Variants in VPS9D1 observed in about 807,000 individuals in gnomAD.
The protein encoded by VPS9D1 is VPS9 domain containing 1.
In VPS9D1, 78 loss-of-function variants were observed where a neutral mutation model predicts 75.8. The ratio of observed to expected loss-of-function variants is 1.03; its 90% CI spans 0.86 to 1.24. The LOEUF is 1.24. Among genes scored for constraint, VPS9D1 ranks in the 50% most tolerant of loss-of-function variants. VPS9D1 has a pLI of 0.00. For synonymous variants in VPS9D1, 481 were observed against 385.6 expected, an observed-to-expected ratio of 1.25 and a Z score of -2.90; for missense variants, 1,057 against 847.7, an observed-to-expected ratio of 1.25 and a Z score of -3.07.
chr16:89,707,884 G>A lies in VPS9D1; in HGVS notation c.1873C>T (p.Pro625Ser). 2 of 1,613,148 alleles carry A rather than the reference G, an allele frequency of 1.2e-6. No individual in the cohort carries two copies. The highest frequency in any genetic ancestry group is 1.7e-6 in the Non-Finnish European group (2 of 1,179,964). ...TACTACTTGGCCAGGCCTCCCCGGG[G>A]CAGCAGCTCCACGTAGCTCAGGGCA... is the stretch of plus-strand genomic sequence containing the variant. ...QSALSYVELL[P>S]RGGLAK The change falls in exon 15 of 15, where the codon CCC becomes TCC. Residue 625 changes from proline to serine, a missense_variant. Transcript: ENST00000389386.
rs2060895390 is a variant in VPS9D1 at position 89,710,694 on chromosome 16, C to T, written c.1150G>A (p.Glu384Lys). 6.2e-7 allele frequency: 1 copy of T among 1,610,276 alleles called. No homozygotes were observed. The part of the protein sequence containing the change: ...PDKDSSFEDL[E>K]QFLGTSERQG... ...CGCTCAGACGTCCCCAGGAACTGCT[C>T]CAGGTCCTCGAACGAGCTGTCCTTG... The change falls in exon 10 of 15, where the codon GAG becomes AAG. Residue 384 changes from glutamate (E) to lysine (K), a missense_variant. Glu to Lys is a moderately conservative substitution (Grantham distance 56). Transcript: ENST00000389386.
Position 89,712,595 on chromosome 16 carries a change from C to T in VPS9D1, c.543+10G>A, listed in dbSNP as rs752690134. 1 of 1,609,362 alleles carries T rather than the reference C, an allele frequency of 6.2e-7. No homozygotes were observed. ...CACGCACCCCCAGGCCCTCCCTAGC[C>T]CCCACTCACCAGGGATGTCTTCTGC... On this transcript the variant is annotated intron_variant, in intron 5 of 14. Transcript: ENST00000389386.
intron 14 of VPS9D1, 121 bp downstream of exon 14, chr16:89,708,306 A>G: frequency 1.0e-6 from 1 of 976,370 alleles, no homozygotes; most frequent in Non-Finnish European, 1.5e-6. Flanking sequence ...GCCCGAAGGC[A>G]TGGCTGTGAC....
In VPS9D1 at chr16:89,716,502, A is replaced by G; in HGVS notation, c.391T>C (p.Phe131Leu). 1 of 1,614,080 alleles carries G rather than the reference A, an allele frequency of 6.2e-7. No homozygotes were observed. The highest frequency in any genetic ancestry group is 8.5e-7 in the Non-Finnish European group (1 of 1,180,002). ...KLSPFLPPEI[F>L]QKLQGAESQS... Reference sequence around the variant, plus strand: ...GACTCTGCCCCCTGAAGCTTCTGGAAGATCTCGGGTGGCAGAAAAGGAGAG... The same window carrying G: ...GACTCTGCCCCCTGAAGCTTCTGGAGGATCTCGGGTGGCAGAAAAGGAGAG... Residue 131 changes from phenylalanine (F) to leucine (L), a missense_variant, in exon 4 of 15, where the codon TTC becomes CTC. By Grantham distance (22) the Phe-to-Leu change is conservative. Transcript: ENST00000389386.
At chr16:89,715,597 C>T (rs910233613) in intron 4 of VPS9D1, among the ~76,000 whole-genome samples, 6 of 151,118 alleles carry the variant, frequency 4.0e-5, no homozygotes, top group African/African-American at 1.5e-4. Context: ...TCACGGCTCA[C>T]TGCACCCTCA....
At chr16:89,712,813 C>T (rs1207363165) in intron 4 of VPS9D1, 97 bp from the exon 5 acceptor site, 1 of 1,134,524 alleles carries the variant, frequency 8.8e-7, no homozygotes, top group Non-Finnish European at 1.2e-6. Context: ...GCTCTGAGGC[C>T]AGGAGGTGAG....
chr16:89,719,113 G>C lies in VPS9D1; in HGVS notation c.100-11C>G, dbSNP rs191032970. ...TTCCGTGTATGCCTCCTGTGTCCAG[G>C]AAAGAGAAAGAGTGGGGTCAGGCCA... On this transcript the variant is annotated splice_polypyrimidine_tract_variant and intron_variant, in intron 1 of 14. Coordinates refer to ENST00000389386, the MANE Select transcript of VPS9D1 (RefSeq NM_004913.3). 6.2e-7 allele frequency: 1 copy of C among 1,612,764 alleles called. No homozygotes were observed. The highest frequency in any genetic ancestry group is 8.5e-7 in the Non-Finnish European group (1 of 1,179,330).
At chr16:89,711,661 C>T (rs982232590) in intron 8 of VPS9D1, 3 of 671,274 alleles carry the variant, frequency 4.5e-6, no homozygotes, top group Non-Finnish European at 7.4e-6. Flanking sequence ...CTCGCTGGGA[C>T]CCTCCCACGC....
intron 14 of VPS9D1, 113 bp from the exon 15 acceptor site, chr16:89,708,067 G>A: frequency 2.9e-6 from 3 of 1,033,100 alleles, no homozygotes; most frequent in Non-Finnish European, 4.4e-6. Flanking sequence ...CTGAGGGTGG[G>A]CAGGTGGGGC....
chr16:89,709,024 C>CCGGGGGGGG, intron 12 of VPS9D1, 68 bp from the exon 13 acceptor site: 2 of 1,416,774 alleles, frequency 1.4e-6, no homozygotes, highest in Non-Finnish European at 9.5e-7. Flanking sequence ...CCTTATACCC[C>CCGGGGGGGG]GCCCACCCAC....
Position 89,710,725 on chromosome 16 carries a change from C to G in VPS9D1, c.1119G>C (p.Leu373Phe). ...CCTCGAACGAGCTGTCCTTGTCTGG[C>G]AATCCAGATGCGGTGTCCCCCAGGG... is the stretch of plus-strand genomic sequence containing the variant. Reference protein sequence around the residue: ...PSPLGDTASGLPDKDSSFEDL... With the variant: ...PSPLGDTASGFPDKDSSFEDL... The change falls in exon 10 of 15, where the codon TTG becomes TTC. Residue 373 changes from leucine to phenylalanine, a missense_variant. Leu to Phe is a conservative substitution (Grantham distance 22). Coordinates refer to ENST00000389386, the MANE Select transcript of VPS9D1 (RefSeq NM_004913.3). The G allele has an allele frequency of 6.3e-7, 1 of 1,597,256 alleles. No individual in the cohort carries two copies. Among genetic ancestry groups the G allele is most frequent in the Non-Finnish European group, 8.5e-7 (1 of 1,172,418 alleles).
rs890603672 is a variant in VPS9D1 at position 89,709,222 on chromosome 16, C to T, written c.1597+5G>A. ...TCCCTCCCCCTGACTCTCGAACCTGCTGACCTATGCACTCCAGCTTCTTCT... is the reference window on the plus strand; with the variant it reads ...TCCCTCCCCCTGACTCTCGAACCTGTTGACCTATGCACTCCAGCTTCTTCT... On this transcript the variant is annotated splice_donor_5th_base_variant and intron_variant, in intron 12 of 14. Coordinates refer to ENST00000389386, the MANE Select transcript of VPS9D1 (RefSeq NM_004913.3). 2 of 1,611,900 alleles carry T rather than the reference C, an allele frequency of 1.2e-6. No individual in the cohort carries two copies. The highest frequency in any genetic ancestry group is 2.7e-5 in the African/African-American group (2 of 74,892).
chr16:89,711,987 C>T lies in VPS9D1; in HGVS notation c.660-18G>A, dbSNP rs2060941439. ...AAAACCTCCTGGGGAGAAAGGCACG[C>T]GGTGGGTGCCGGGGCCAGGCCCTCC... On this transcript the variant is annotated intron_variant, in intron 7 of 14. Coordinates refer to ENST00000389386, the MANE Select transcript of VPS9D1 (RefSeq NM_004913.3). The T allele has an allele frequency of 6.5e-7, 1 of 1,550,238 alleles. No homozygotes were observed. The highest frequency in any genetic ancestry group is 2.0e-5 in the Admixed American group (1 of 51,000).
chr16:89,718,992 GCGTGAGCCAC>G (rs1208284016), intron 2 of VPS9D1, 25 bp downstream of exon 2: 1 of 1,592,648 alleles, frequency 6.3e-7, no homozygotes, highest in Non-Finnish European at 8.6e-7. Context: ...GGGATTACAG[GCGTGAGCCAC>G]CGCGCCCGGC....
At position 89,712,369 on chromosome 16, in the gene VPS9D1, T is replaced by C. The variant is rs1368868621; in HGVS notation, c.606+91A>G. The C allele has an allele frequency of 3.2e-6, 5 of 1,568,746 alleles. No individual in the cohort carries two copies. In the African/African-American group the frequency reaches 6.8e-5, roughly 21 times the overall value. ...GGCCCTGTACCCCGACCCCGGAACCTCCGCTCCCCTCGCTGCCCCCTTCTC... is the reference window on the plus strand; with the variant it reads ...GGCCCTGTACCCCGACCCCGGAACCCCCGCTCCCCTCGCTGCCCCCTTCTC... On this transcript the variant is annotated intron_variant, in intron 6 of 14. Coordinates refer to ENST00000389386, the MANE Select transcript of VPS9D1 (RefSeq NM_004913.3).
intron 4 of VPS9D1, among the ~76,000 whole-genome samples, chr16:89,715,189 T>C (rs1042464850): frequency 2.0e-5 from 3 of 151,946 alleles, no homozygotes; most frequent in African/African-American, 7.3e-5. Context: ...TTTCTACATA[T>C]ATATAGATAT....
intron 4 of VPS9D1, 76 bp downstream of exon 4, chr16:89,716,386 C>A (rs1399738455): frequency 7.0e-6 from 11 of 1,582,148 alleles, no homozygotes; most frequent in Non-Finnish European, 9.4e-6. Flanking sequence ...AAAAAAATCG[C>A]TGTCATCAGC....
Position 89,716,781 on chromosome 16 carries a change from T to C in VPS9D1, c.217A>G (p.Lys73Glu), listed in dbSNP as rs1285925612. The C allele has an allele frequency of 1.9e-6, 3 of 1,590,836 alleles. No homozygotes were observed. Among genetic ancestry groups the C allele is most frequent in the Non-Finnish European group, 2.6e-6 (3 of 1,173,548 alleles). Residue 73 changes from lysine (K) to glutamate (E), a missense_variant, in exon 3 of 15, where the codon AAG becomes GAG. Lys to Glu is a moderately conservative substitution (Grantham distance 56). Coordinates refer to ENST00000389386, the MANE Select transcript of VPS9D1 (RefSeq NM_004913.3). ...CTCTCCAGACACTGCTGTGCTAGCTTCAGCATCTTGGAGGTGTCGGGGGGC... is the reference window on the plus strand; with the variant it reads ...CTCTCCAGACACTGCTGTGCTAGCTCCAGCATCTTGGAGGTGTCGGGGGGC... ...TVPPDTSKML[K>E]LAQQCLERAQ... is the part of the protein sequence containing the mutation.
intron 6 of VPS9D1, 111 bp from the exon 7 acceptor site, chr16:89,712,210 G>A: frequency 3.4e-6 from 5 of 1,479,578 alleles, no homozygotes; most frequent in Non-Finnish European, 4.6e-6. Context: ...TCTCGGTGAG[G>A]GGCTGTCCCC....
Sources: gnomAD v4.1 joint callset for allele counts (sites outside exome capture counted in the v4.1 genomes callset) on GRCh38, gnomAD v4.1.1 for gene constraint, MANE v1.5 for transcripts, NCBI Gene and HGNC (gene_info 2026-07-23, HGNC 2026-07-21) for gene names.